The following GRIN2A variants were observed in gnomAD, a reference collection of about 807,000 sequenced individuals.
GRIN2A encodes glutamate receptor ionotropic, NMDA 2A.
A neutral mutation model predicts 113.4 loss-of-function variants in GRIN2A; 22 were observed. The observed-to-expected ratio is 0.19, with a 90% confidence interval of 0.14 to 0.28. GRIN2A has a LOEUF of 0.28. Among genes scored for constraint, GRIN2A ranks in the 10% least tolerant of loss-of-function variants. The pLI is 1.00. For missense variants in GRIN2A, 1,502 were observed against 1,887.0 expected (o/e 0.80, Z 3.78); for synonymous variants, 827 against 738.4 (o/e 1.12, Z -1.94).
rs1414911659 is a variant in GRIN2A at position 9,808,431 on chromosome 16, G to A, written c.2169-9967C>T. Among the ~76,000 whole-genome samples, 2 of 152,308 alleles carry A rather than the reference G, an allele frequency of 1.3e-5. 1 individual carries two copies. Among genetic ancestry groups the A allele is most frequent in the East Asian group, 3.9e-4 (2 of 5,182 alleles). ...ACGGAACTTGTCACACAGGAGGACT[G>A]AAAGACAGGGACTCTCAGGGGCCAG... On this transcript the variant is annotated intron_variant, in intron 10 of 12. Transcript: ENST00000330684.
chr16:9,904,853 A>G (rs1026024633), intron 3 of GRIN2A, among the ~76,000 whole-genome samples: 7 of 152,242 alleles, frequency 4.6e-5, no homozygotes, highest in African/African-American at 1.7e-4. Context: ...TCATGGTGGC[A>G]TCATGAGAGT....
At position 10,112,341 on chromosome 16, in the gene GRIN2A, C is replaced by A. The variant is rs141105044; in HGVS notation, c.414+67657G>T. ...GATTGACACTGGTGTGGATGGACTG[C>A]ATGTAGTTATGGGCTGCAGCTCTAT... is the stretch of plus-strand genomic sequence containing the variant. On this transcript the variant is annotated intron_variant, in intron 2 of 12. Transcript: ENST00000330684. The A allele has an allele frequency of 1.0e-3, 676 of 653,048 alleles. 4 individuals carry two copies. In the African/African-American group the frequency reaches 0.011, roughly 10 times the overall value. The allele number at this position is 653,048 out of a possible 1,614,324, so 40.5% of individuals were successfully genotyped here.
chr16:9,845,288 T>A (rs2042752448), intron 5 of GRIN2A, among the ~76,000 whole-genome samples: 1 of 152,210 alleles, frequency 6.6e-6, no homozygotes, highest in Non-Finnish European at 1.5e-5. Context: ...TATTTTGATT[T>A]CTCTTCCTCA....
At chr16:9,998,614 AT>A (rs1236347867) in intron 2 of GRIN2A, among the ~76,000 whole-genome samples, 1 of 152,214 alleles carries the variant, frequency 6.6e-6, no homozygotes, top group Non-Finnish European at 1.5e-5. Flanking sequence ...TGCTCTTTAA[AT>A]TTTTATAAAA....
chr16:9,899,841 A>T (rs2043882660), intron 3 of GRIN2A, among the ~76,000 whole-genome samples: 1 of 152,206 alleles, frequency 6.6e-6, no homozygotes, highest in South Asian at 2.1e-4. Flanking sequence ...CTGCACACTA[A>T]ATATTTGATT....
intron 2 of GRIN2A, among the ~76,000 whole-genome samples, chr16:10,148,769 C>T (rs1332582735): frequency 6.6e-6 from 1 of 152,212 alleles, no homozygotes; most frequent in Admixed American, 6.5e-5. Context: ...GATATCTGCA[C>T]TCCTATGTTT....
At chr16:9,967,265 A>T (rs2045573868) in intron 2 of GRIN2A, among the ~76,000 whole-genome samples, 1 of 152,236 alleles carries the variant, frequency 6.6e-6, no homozygotes, top group Non-Finnish European at 1.5e-5. Flanking sequence ...ATTCAGTCAT[A>T]AAAAGGAACA....
intron 2 of GRIN2A, among the ~76,000 whole-genome samples, chr16:9,965,173 T>C (rs1007781057): frequency 6.6e-6 from 1 of 152,226 alleles, no homozygotes; most frequent in African/African-American, 2.4e-5. Flanking sequence ...ATACTATCAG[T>C]TGCATACTCA....
chr16:10,106,894 C>T (rs2048510882), intron 2 of GRIN2A, among the ~76,000 whole-genome samples: 2 of 152,276 alleles, frequency 1.3e-5, no homozygotes, highest in South Asian at 4.2e-4. Context: ...TTATTTCAGC[C>T]TCCCGAGAAC....
intron 2 of GRIN2A, among the ~76,000 whole-genome samples, chr16:10,009,332 A>G (rs1179981185): frequency 6.6e-6 from 1 of 152,244 alleles, no homozygotes; most frequent in Non-Finnish European, 1.5e-5. Context: ...GTAATCATAG[A>G]AACACAATAG....
chr16:9,877,925 C>G (rs1054300315), intron 4 of GRIN2A, among the ~76,000 whole-genome samples: 4 of 147,862 alleles, frequency 2.7e-5, no homozygotes, highest in African/African-American at 1.0e-4. Flanking sequence ...TTGCGTTTCT[C>G]TACAACACAG....
intron 2 of GRIN2A, among the ~76,000 whole-genome samples, chr16:10,081,100 A>C (rs2047969829): frequency 1.3e-5 from 2 of 152,196 alleles, no homozygotes; most frequent in South Asian, 4.1e-4. Context: ...AAACAGGTCA[A>C]ATGTCGTTAA....
intron 10 of GRIN2A, among the ~76,000 whole-genome samples, chr16:9,815,277 CA>C (rs2042164471): frequency 6.6e-6 from 1 of 151,466 alleles, no homozygotes; most frequent in Non-Finnish European, 1.5e-5. Context: ...AAATGTGCAT[CA>C]AAAGACACTA....
intron 2 of GRIN2A, among the ~76,000 whole-genome samples, chr16:10,169,459 G>T (rs1233948091): frequency 6.6e-6 from 1 of 152,154 alleles, no homozygotes; most frequent in East Asian, 1.9e-4. Context: ...CCCAGTTCTG[G>T]CCACTGACAT....
intron 2 of GRIN2A, among the ~76,000 whole-genome samples, chr16:10,141,946 G>GA (rs755650323): frequency 8.5e-5 from 13 of 152,198 alleles, no homozygotes; most frequent in Non-Finnish European, 1.8e-4. Flanking sequence ...TAACCTGGTG[G>GA]AAATGCAGCA....
intron 2 of GRIN2A, among the ~76,000 whole-genome samples, chr16:10,072,941 A>ACC (rs1454088753): frequency 1.8e-5 from 2 of 113,860 alleles, no homozygotes; most frequent in African/African-American, 6.6e-5. Context: ...CAGTGACAAG[A>ACC]CCCCCTTTTT....
intron 2 of GRIN2A, among the ~76,000 whole-genome samples, chr16:10,030,933 A>T (rs1344530997): frequency 2.0e-5 from 3 of 152,196 alleles, no homozygotes; most frequent in Non-Finnish European, 4.4e-5. Flanking sequence ...TGAAAAGTGA[A>T]GCTTCTTTGG....
At chr16:10,043,395 CG>C (rs2047199612) in intron 2 of GRIN2A, among the ~76,000 whole-genome samples, 1 of 152,158 alleles carries the variant, frequency 6.6e-6, no homozygotes, top group African/African-American at 2.4e-5. Flanking sequence ...GAAAGGCAGC[CG>C]GGATCACATC....
At chr16:9,895,108 G>A (rs1379957637) in intron 3 of GRIN2A, among the ~76,000 whole-genome samples, 1 of 152,130 alleles carries the variant, frequency 6.6e-6, no homozygotes, top group East Asian at 1.9e-4. Context: ...AATTTTTCAA[G>A]GTTGGGGAGA....
Sources: gnomAD v4.1 joint callset for allele counts (sites outside exome capture counted in the v4.1 genomes callset) on GRCh38, gnomAD v4.1.1 for gene constraint, MANE v1.5 for transcripts, NCBI Gene and HGNC (gene_info 2026-07-23, HGNC 2026-07-21) for gene names.